Variants in NAE1 observed in about 807,000 individuals in gnomAD.
NAE1 encodes NEDD8-activating enzyme E1 regulatory subunit.
NAE1 carries 59 observed loss-of-function variants against 88.0 expected under a neutral mutation model. That is an observed-to-expected ratio of 0.67 (90% CI 0.54 to 0.83). The LOEUF (loss-of-function observed/expected upper bound fraction) is 0.83, where lower values mean the gene tolerates loss of function less well. Ranked by LOEUF, NAE1 falls within the 40% of genes least tolerant of loss-of-function variation. The probability of loss-of-function intolerance (pLI) is 0.00; values close to 1 mark genes in which losing one functional copy is unlikely to be tolerated. For missense variants in NAE1, 554 were observed against 632.8 expected, an observed-to-expected ratio of 0.88 and a Z score of 1.34; for synonymous variants, 186 against 208.9, an observed-to-expected ratio of 0.89 and a Z score of 0.95.
At chr16:66,824,943 T>C (rs1202556966) in intron 3 of NAE1, 58 bp from the exon 4 acceptor site, 1 of 1,455,372 alleles carries the variant, frequency 6.9e-7, no homozygotes, top group Non-Finnish European at 9.5e-7. Flanking sequence ...AAAGGAAAAG[T>C]TGTTTGTAAT....
At chr16:66,808,650 T>C (rs1959668942) in intron 16 of NAE1, 37 bp from the exon 17 acceptor site, 1 of 1,431,442 alleles carries the variant, frequency 7.0e-7, no homozygotes, top group Admixed American at 1.7e-5. Flanking sequence ...ATTTGGTTAA[T>C]TTGCAATGTA....
rs778728256 is a variant in NAE1 at position 66,813,797 on chromosome 16, A to C, written c.890T>G (p.Ile297Ser). The C allele has an allele frequency of 6.2e-7, 1 of 1,613,846 alleles. No homozygotes were observed. Among genetic ancestry groups the C allele is most frequent in the South Asian group, 1.1e-5 (1 of 90,936 alleles). The change falls in exon 12 of 20, where the codon ATC (isoleucine) becomes AGC (serine). Residue 297 changes from isoleucine (I) to serine (S), a missense_variant. Transcript: ENST00000290810. ...TTTTGTTGTTGTTACCTGTTTGGTGATATTTATGCAGCGATCATCATTAAA... is the reference window on the plus strand; with the variant it reads ...TTTTGTTGTTGTTACCTGTTTGGTGCTATTTATGCAGCGATCATCATTAAA... ...DIFNDDRCIN[I>S]TKQTPSFWIL... is the part of the protein sequence containing the mutation.
chr16:66,830,733 C>CT, intron 1 of NAE1, 114 bp downstream of exon 1: 1 of 1,056,498 alleles, frequency 9.5e-7, no homozygotes, highest in Non-Finnish European at 1.3e-6. Context: ...ACGGCCCGGC[C>CT]CAGCCTGGAA....
At chr16:66,823,076 CA>C (rs776599321) in intron 6 of NAE1, 150 bp downstream of exon 6, 16,321 of 151,122 alleles carry the variant, frequency 0.11, no homozygotes, top group East Asian at 0.16. Flanking sequence ...AGCTCAAGCT[CA>C]AAAAAAAAAA....
intron 6 of NAE1, among the ~76,000 whole-genome samples, chr16:66,822,224 C>A (rs1960290935): frequency 6.6e-6 from 1 of 152,076 alleles, no homozygotes; most frequent in Non-Finnish European, 1.5e-5. Flanking sequence ...ACAAAAACAA[C>A]AACAACAAAA....
At chr16:66,817,106 T>G in intron 9 of NAE1, 78 bp from the exon 10 acceptor site, 1 of 1,485,000 alleles carries the variant, frequency 6.7e-7, no homozygotes, top group South Asian at 1.4e-5. Flanking sequence ...GTGTCCCCCA[T>G]TCTCTACATA....
At chr16:66,806,465 C>T (rs1257720594) in intron 17 of NAE1, among the ~76,000 whole-genome samples, 2 of 151,918 alleles carry the variant, frequency 1.3e-5, no homozygotes, top group African/African-American at 2.4e-5. Context: ...CTTGCTGTTA[C>T]CTAGGCTGGA....
In NAE1 at chr16:66,823,556, G is replaced by T; in HGVS notation, c.294C>A (p.Ser98Arg). 1 of 1,611,052 alleles carries T rather than the reference G, an allele frequency of 6.2e-7. No homozygotes were observed. Among genetic ancestry groups the T allele is most frequent in the South Asian group, 1.1e-5 (1 of 90,104 alleles). Residue 98 changes from serine (S) to arginine (R), a missense_variant, in exon 5 of 20, where the codon AGC becomes AGA. By Grantham distance (110) the Ser-to-Arg change is moderately radical (BLOSUM62 -1). Coordinates refer to ENST00000290810, the MANE Select transcript of NAE1 (RefSeq NM_003905.4). ...AAMEFLQELNSDVSGSFVEES... is the reference protein window; with the variant it reads ...AAMEFLQELNRDVSGSFVEES... ...CTTCCACAAAACTTCCAGAGACATC[G>T]CTATTTAATTCTTGTAAGAATTCCA...
At chr16:66,823,705 C>G in intron 4 of NAE1, 105 bp from the exon 5 acceptor site, 1 of 836,234 alleles carries the variant, frequency 1.2e-6, no homozygotes, top group Non-Finnish European at 1.8e-6. Context: ...ATCCAAATTT[C>G]ATGCATAAGT....
chr16:66,826,683 G>A lies in NAE1; in HGVS notation c.151C>T (p.Leu51=), dbSNP rs1960475988. The change falls in exon 2 of 20, where the codon CTA becomes TTA. Residue 51 remains leucine, a synonymous_variant. Transcript: ENST00000290810. ...AACCACAAACCTACGTTACCTGGTA[G>A]TACCAAGTTTTTAAGAATTTCAGTT... The part of the protein sequence containing the change: ...TGTEILKNLV[L]PGIGSFTIID... 2 of 1,613,924 alleles carry A rather than the reference G, an allele frequency of 1.2e-6. No homozygotes were observed. Among genetic ancestry groups the A allele is most frequent in the African/African-American group, 1.3e-5 (1 of 74,930 alleles).
At chr16:66,824,602 A>C (rs1365366470) in intron 4 of NAE1, 2 of 285,898 alleles carry the variant, frequency 7.0e-6, no homozygotes, top group East Asian at 7.2e-5. Flanking sequence ...AAAAAAAAAA[A>C]ATTTGTTAAC....
In NAE1 at chr16:66,804,783, A is replaced by C. The variant is rs114503757; in HGVS notation, c.1495+994T>G. Among the ~76,000 whole-genome samples, 524 of 150,446 alleles carry C rather than the reference A, an allele frequency of 3.5e-3. 1 individual carries two copies. The highest frequency in any genetic ancestry group is 0.012 in the African/African-American group (480 of 40,638). On this transcript the variant is annotated intron_variant, in intron 19 of 19. Coordinates refer to ENST00000290810, the MANE Select transcript of NAE1 (RefSeq NM_003905.4). ...CTTCATGAATAGGATTAGTGCCCTA[A>C]GAAGAGACCCCAGAGACTTCTCTTG...
chr16:66,817,716 T>C (rs1244551228), intron 8 of NAE1, among the ~76,000 whole-genome samples: 1 of 152,106 alleles, frequency 6.6e-6, no homozygotes, highest in Non-Finnish European at 1.5e-5. Flanking sequence ...AGCAAAACAG[T>C]CTCAGAGACT....
intron 3 of NAE1, 116 bp from the exon 4 acceptor site, chr16:66,825,001 C>T (rs2145350967): frequency 1.4e-6 from 1 of 722,774 alleles, no homozygotes; most frequent in South Asian, 2.6e-5. Context: ...ATTGTGATTA[C>T]AGACTGTAAT....
intron 1 of NAE1, among the ~76,000 whole-genome samples, chr16:66,830,525 G>C (rs932731171): frequency 6.6e-6 from 1 of 152,202 alleles, no homozygotes; most frequent in Non-Finnish European, 1.5e-5. Flanking sequence ...GCCGGGATGC[G>C]GTGCGCCCCG....
intron 19 of NAE1, among the ~76,000 whole-genome samples, chr16:66,805,140 AT>A (rs1327081004): frequency 1.4e-4 from 21 of 152,140 alleles, no homozygotes; most frequent in Admixed American, 1.4e-3. Flanking sequence ...AGGAGCAAAG[AT>A]CTAGGAGCAG....
intron 13 of NAE1, 21 bp from the exon 14 acceptor site, chr16:66,810,793 A>G: frequency 6.2e-7 from 1 of 1,602,676 alleles, no homozygotes; most frequent in Non-Finnish European, 8.5e-7. Flanking sequence ...ATAAAAAGCA[A>G]TTACTAACAA....
At chr16:66,829,751 A>C (rs1035698484) in intron 1 of NAE1, among the ~76,000 whole-genome samples, 2 of 152,238 alleles carry the variant, frequency 1.3e-5, no homozygotes, top group African/African-American at 2.4e-5. Context: ...GGAAGTACCC[A>C]AGGACCCTCC....
rs932766234 is a variant in NAE1, at chr16:66,824,685, C to T, written c.249+170G>A. Reference sequence around the variant, plus strand: ...CAATGTATAAACACAGACAGTACACCTCTAAGTTCTTAAACTACCAAACAT... The same window carrying T: ...CAATGTATAAACACAGACAGTACACTTCTAAGTTCTTAAACTACCAAACAT... On this transcript the variant is annotated intron_variant, in intron 4 of 19. Transcript: ENST00000290810. The T allele has an allele frequency of 1.4e-5, 8 of 575,308 alleles. No homozygotes were observed. In the Admixed American group the frequency reaches 2.6e-4, roughly 19 times the overall value. The allele number at this position is 575,308 out of a possible 1,614,324, so 35.6% of individuals were successfully genotyped here. A position where few individuals can be genotyped will look rare whatever the true frequency, so the allele number is the denominator to read the frequency against.
Sources: allele counts gnomAD v4.1 joint callset (sites outside exome capture counted in the v4.1 genomes callset), GRCh38; gene constraint gnomAD v4.1.1; transcripts MANE v1.5; gene names NCBI Gene and HGNC (gene_info 2026-07-23, HGNC 2026-07-21).